TDRD10: variants seen among roughly 807,000 people sequenced by gnomAD.
The protein encoded by TDRD10 is tudor domain containing 10.
A neutral mutation model predicts 48.0 loss-of-function variants in TDRD10; 40 were observed. The ratio of observed to expected loss-of-function variants is 0.83; its 90% CI spans 0.65 to 1.09. TDRD10 has a LOEUF of 1.09. Ranked by LOEUF, TDRD10 falls within the 50% of genes least tolerant of loss-of-function variation. The pLI, the probability that TDRD10 is intolerant of heterozygous loss-of-function variation, is 0.00. For synonymous variants in TDRD10, 162 were observed against 170.4 expected, an observed-to-expected ratio of 0.95 and a Z score of 0.38; for missense variants, 378 against 434.7, an observed-to-expected ratio of 0.87 and a Z score of 1.16.
At chr1:154,535,225 A>G (rs974149310) in intron 6 of TDRD10, among the ~76,000 whole-genome samples, 2 of 152,000 alleles carry the variant, frequency 1.3e-5, no homozygotes, top group African/African-American at 2.4e-5. Flanking sequence ...AAATTAGCCA[A>G]GCGTGGTGGT....
chr1:154,528,006 C>A (rs957664941), intron 6 of TDRD10, among the ~76,000 whole-genome samples: 2 of 152,152 alleles, frequency 1.3e-5, no homozygotes, highest in Non-Finnish European at 2.9e-5. Context: ...TTGACCCAGT[C>A]CAGATACAGA....
intron 6 of TDRD10, among the ~76,000 whole-genome samples, chr1:154,534,817 C>A (rs997810916): frequency 6.6e-6 from 1 of 151,606 alleles, no homozygotes; most frequent in South Asian, 2.1e-4. Flanking sequence ...GCTTACGTGG[C>A]ACAACACGCA....
chr1:154,508,944 A>G (rs1371970067), intron 4 of TDRD10, among the ~76,000 whole-genome samples: 5 of 152,152 alleles, frequency 3.3e-5, no homozygotes, highest in Admixed American at 6.5e-5. Context: ...TTTTGACCCC[A>G]GGCACCTTAC....
chr1:154,513,828 C>T lies in TDRD10; in HGVS notation c.141+5347C>T, dbSNP rs1693607396. Among the ~76,000 whole-genome samples, 2 of 152,164 alleles carry T rather than the reference C, an allele frequency of 1.3e-5. 1 individual carries two copies. The highest frequency in any genetic ancestry group is 2.9e-5 in the Non-Finnish European group (2 of 68,034). ...CACTCTTGTCTATAGAACAGCTGAC[C>T]TGATTTCTAGAACAATTCAGTCACG... On this transcript the variant is annotated intron_variant, in intron 4 of 12. Coordinates refer to ENST00000368482, the MANE Select transcript of TDRD10 (RefSeq NM_182499.4).
rs762409337 is a variant in TDRD10, at chr1:154,542,783, A to G, written c.465A>G (p.Lys155=). The part of the protein sequence containing the change: ...KAPVDLCETE[K]LRAAFFAVPL... ...CTGTTGACCTGTGTGAGACAGAGAA[A>G]CTGAGGGCAGCCTTCTTTGCAGTCC... Residue 155 remains lysine (K), a synonymous_variant, in exon 8 of 13, where the codon AAA becomes AAG. Transcript: ENST00000368482. 3.1e-6 allele frequency: 5 copies of G among 1,613,956 alleles called. No individual in the cohort carries two copies. The South Asian group carries it at 3.3e-5, about 11-fold the overall frequency.
intron 6 of TDRD10, among the ~76,000 whole-genome samples, chr1:154,537,542 G>C (rs1417947097): frequency 6.6e-6 from 1 of 152,224 alleles, no homozygotes; most frequent in Non-Finnish European, 1.5e-5. Flanking sequence ...GGTTGGTGGA[G>C]GTGAGGGTGG....
Position 154,547,436 on chromosome 1 carries a change from A to G in TDRD10, c.980A>G (p.His327Arg), listed in dbSNP as rs1260754298. The G allele has an allele frequency of 1.2e-6, 2 of 1,614,110 alleles. No homozygotes were observed. The highest frequency in any genetic ancestry group is 1.3e-5 in the African/African-American group (1 of 74,942). Reference sequence around the variant, plus strand: ...ATTTTGAGTTCGTATGAGGTTGTCCATCGAATCCTCAAAGGGAAAATCACT... The same window carrying G: ...ATTTTGAGTTCGTATGAGGTTGTCCGTCGAATCCTCAAAGGGAAAATCACT... ...KDILSSYEVV[H>R]RILKGKITGA... Residue 327 changes from histidine to arginine, a missense_variant, in exon 12 of 13, where the codon CAT becomes CGT. Around this residue, in one of 2 missense-constraint regions of TDRD10, gnomAD observed 68 missense variants for 111.1 expected, o/e 0.61. Transcript: ENST00000368482.
At chr1:154,540,351 G>C (rs1406039322) in intron 6 of TDRD10, among the ~76,000 whole-genome samples, 2 of 151,984 alleles carry the variant, frequency 1.3e-5, no homozygotes, top group African/African-American at 4.8e-5. Flanking sequence ...TTGGGAGAGA[G>C]AACTTGGGTG....
intron 3 of TDRD10, 39 bp from the exon 4 acceptor site, chr1:154,508,384 G>A (rs767299681): frequency 2.2e-5 from 31 of 1,394,896 alleles, no homozygotes; most frequent in Non-Finnish European, 2.9e-5. Context: ...TCCTCTAACC[G>A]TATGTATGCC....
At chr1:154,519,609 G>C (rs973290792) in intron 4 of TDRD10, among the ~76,000 whole-genome samples, 3 of 152,204 alleles carry the variant, frequency 2.0e-5, no homozygotes, top group Non-Finnish European at 4.4e-5. Context: ...GCCTAGCGCA[G>C]GCAGTCAGGA....
At chr1:154,509,018 A>G (rs1693301162) in intron 4 of TDRD10, among the ~76,000 whole-genome samples, 1 of 151,218 alleles carries the variant, frequency 6.6e-6, no homozygotes, top group Non-Finnish European at 1.5e-5. Context: ...AAGTGCTTAA[A>G]TTTTGTAGTA....
Position 154,502,454 on chromosome 1 carries a change from T to A in TDRD10, c.-603T>A, listed in dbSNP as rs2149303973. 1 of 151,970 alleles carries A rather than the reference T, an allele frequency of 6.6e-6. No homozygotes were observed. Among genetic ancestry groups the A allele is most frequent in the Admixed American group, 6.5e-5 (1 of 15,280 alleles). 9.4% of individuals were successfully genotyped at this position (151,970 alleles called of 1,614,324 possible). A position where few individuals can be genotyped will look rare whatever the true frequency, so the allele number is the denominator to read the frequency against. ...GCGGCCCATCAACTCCGCGCGCCCC[T>A]CCCCTCCGCGGCTGGCGCCTCCCAG... On this transcript the variant is annotated 5_prime_UTR_variant, in exon 1 of 13. Coordinates refer to ENST00000368482, the MANE Select transcript of TDRD10 (RefSeq NM_182499.4).
chr1:154,530,804 C>T (rs995268134), intron 6 of TDRD10, among the ~76,000 whole-genome samples: 1 of 151,728 alleles, frequency 6.6e-6, no homozygotes, highest in African/African-American at 2.4e-5. Context: ...TCTGGGCCTC[C>T]AGTCTGTTGT....
At chr1:154,544,140 T>G in intron 9 of TDRD10, 30 bp downstream of exon 9, 1 of 1,613,650 alleles carries the variant, frequency 6.2e-7, no homozygotes. Flanking sequence ...CCCCTCAGGC[T>G]CCTGTGCCTT....
At chr1:154,515,988 A>T (rs2149320561) in intron 4 of TDRD10, among the ~76,000 whole-genome samples, 1 of 152,230 alleles carries the variant, frequency 6.6e-6, no homozygotes, top group African/African-American at 2.4e-5. Flanking sequence ...AAGTGCTGGG[A>T]TTACAGGCAT....
intron 1 of TDRD10, among the ~76,000 whole-genome samples, chr1:154,503,829 ACGTT>A (rs772517541): frequency 6.6e-6 from 1 of 152,166 alleles, no homozygotes; most frequent in Non-Finnish European, 1.5e-5. Flanking sequence ...GCTCATACTG[ACGTT>A]CTTGAAAATG....
intron 8 of TDRD10, 99 bp from the exon 9 acceptor site, chr1:154,543,864 G>A: frequency 6.5e-7 from 1 of 1,532,646 alleles, no homozygotes; most frequent in Non-Finnish European, 8.8e-7. Flanking sequence ...TCATCCCCCA[G>A]GCAGTTCAGC....
intron 6 of TDRD10, among the ~76,000 whole-genome samples, chr1:154,534,890 T>TG (rs1429480963): frequency 2.0e-5 from 3 of 152,236 alleles, no homozygotes; most frequent in Non-Finnish European, 4.4e-5. Flanking sequence ...TAATTTCCCA[T>TG]GGGTGAAGGA....
rs1695665868 is a variant in TDRD10 at position 154,547,459 on chromosome 1, A to G, written c.1003A>G (p.Thr335Ala). 1.9e-6 allele frequency: 3 copies of G among 1,614,068 alleles called. No individual in the cohort carries two copies. The highest frequency in any genetic ancestry group is 2.7e-5 in the African/African-American group (2 of 74,922). The change falls in exon 12 of 13, where the codon ACT becomes GCT. Residue 335 changes from threonine to alanine, a missense_variant. This residue lies in a region of TDRD10 where 68 missense variants were observed against 111.1 expected (regional missense o/e 0.61). Transcript: ENST00000368482. ...CCATCGAATCCTCAAAGGGAAAATCACTGGTGCTTTGAACTCGGCGGTAAC... is the reference window on the plus strand; with the variant it reads ...CCATCGAATCCTCAAAGGGAAAATCGCTGGTGCTTTGAACTCGGCGGTAAC... ...VVHRILKGKI[T>A]GALNSALHIL...
Sources: gnomAD v4.1 joint callset for allele counts (sites outside exome capture counted in the v4.1 genomes callset) on GRCh38, gnomAD v4.1.1 for gene constraint, gnomAD v4.1.1 regional missense constraint, MANE v1.5 for transcripts, NCBI Gene and HGNC (gene_info 2026-07-23, HGNC 2026-07-21) for gene names.